Variants in BMP5 observed in about 807,000 individuals in gnomAD.
BMP5 encodes the protein bone morphogenetic protein 5.
BMP5 carries 23 observed loss-of-function variants against 46.6 expected under a neutral mutation model. That is an observed-to-expected ratio of 0.49 (90% confidence interval 0.35 to 0.70). The LOEUF (loss-of-function observed/expected upper bound fraction) is 0.70, where lower values mean the gene tolerates loss of function less well. Ranked by LOEUF, BMP5 falls within the 30% of genes least tolerant of loss-of-function variation. The pLI, the probability that BMP5 is intolerant of heterozygous loss-of-function variation, is 0.00. For synonymous variants in BMP5, 204 were observed against 191.9 expected, an observed-to-expected ratio of 1.06 and a Z score of -0.52; for missense variants, 545 against 565.6, an observed-to-expected ratio of 0.96 and a Z score of 0.37.
At chr6:55,802,811 T>G (rs991621771) in intron 2 of BMP5, among the ~76,000 whole-genome samples, 1 of 151,088 alleles carries the variant, frequency 6.6e-6, no homozygotes, top group African/African-American at 2.4e-5. Flanking sequence ...ATTCTTTTTT[T>G]CCCCTTTTCT....
intron 1 of BMP5, among the ~76,000 whole-genome samples, chr6:55,858,392 T>C (rs538761044): frequency 2.0e-5 from 3 of 152,006 alleles, no homozygotes; most frequent in African/African-American, 7.2e-5. Context: ...TGAAAAGAGA[T>C]CAAAGCAAAC....
At chr6:55,824,163 A>G (rs926598003) in intron 1 of BMP5, among the ~76,000 whole-genome samples, 9 of 151,936 alleles carry the variant, frequency 5.9e-5, no homozygotes, top group Admixed American at 6.6e-5. Flanking sequence ...TCTTATTCAC[A>G]TTGTGACAAA....
chr6:55,758,953 A>G (rs1774683343), intron 6 of BMP5, 52 bp downstream of exon 6: 1 of 1,211,450 alleles, frequency 8.3e-7, no homozygotes, highest in South Asian at 1.2e-5. Flanking sequence ...AAACAACTTT[A>G]TAATATGCTT....
At chr6:55,869,513 T>C (rs1393342048) in intron 1 of BMP5, among the ~76,000 whole-genome samples, 1 of 152,180 alleles carries the variant, frequency 6.6e-6, no homozygotes, top group Non-Finnish European at 1.5e-5. Flanking sequence ...AGTGACAGAA[T>C]ATTAAATAAG....
At chr6:55,817,872 TA>T (rs1776314754) in intron 2 of BMP5, among the ~76,000 whole-genome samples, 12 of 152,156 alleles carry the variant, frequency 7.9e-5, no homozygotes, top group Admixed American at 7.9e-4. Flanking sequence ...TGAAATAGCT[TA>T]AAACCAGAAA....
Position 55,819,980 on chromosome 6 carries a change from A to T in BMP5, c.491-133T>A. On this transcript the variant is annotated intron_variant, in intron 1 of 6. Transcript: ENST00000370830. ...ATAAAACTGGAAAAACCCTAAAACC[A>T]CAAACTGAAACGTGTTTCCAGTTAA... The T allele has an allele frequency of 9.2e-6, 7 of 764,746 alleles. No individual in the cohort carries two copies. In the South Asian group the frequency reaches 1.2e-4, roughly 13 times the overall value. 47.4% of individuals were successfully genotyped at this position (764,746 alleles called of 1,614,324 possible). A position where few individuals can be genotyped will look rare whatever the true frequency, so the allele number is the denominator to read the frequency against.
chr6:55,827,686 A>G (rs908549512), intron 1 of BMP5, among the ~76,000 whole-genome samples: 2 of 151,858 alleles, frequency 1.3e-5, no homozygotes, highest in African/African-American at 4.8e-5. Context: ...AGTGAATGTT[A>G]GAAGCAAATA....
chr6:55,815,621 G>A (rs928819883), intron 2 of BMP5, among the ~76,000 whole-genome samples: 7 of 152,056 alleles, frequency 4.6e-5, no homozygotes, highest in Admixed American at 4.6e-4. Flanking sequence ...AGCTATAGTA[G>A]CAGAAACATT....
At chr6:55,760,573 C>A in intron 4 of BMP5, 40 bp from the exon 5 acceptor site, 1 of 1,531,584 alleles carries the variant, frequency 6.5e-7, no homozygotes, top group African/African-American at 1.4e-5. Context: ...TGGTTGCTTA[C>A]AGATATACTA....
chr6:55,800,163 G>C (rs1297008974), intron 2 of BMP5, among the ~76,000 whole-genome samples: 1 of 152,096 alleles, frequency 6.6e-6, no homozygotes, highest in Non-Finnish European at 1.5e-5. Flanking sequence ...AGATGGATCT[G>C]AAGACGATAT....
chr6:55,808,083 A>C (rs966083097), intron 2 of BMP5, among the ~76,000 whole-genome samples: 2 of 152,172 alleles, frequency 1.3e-5, no homozygotes, highest in Non-Finnish European at 2.9e-5. Flanking sequence ...GCCAGAGGAA[A>C]GACTAAGTCT....
chr6:55,854,213 T>C lies in BMP5; in HGVS notation c.490+20163A>G, dbSNP rs576634702. On this transcript the variant is annotated intron_variant, in intron 1 of 6. Coordinates refer to ENST00000370830, the MANE Select transcript of BMP5 (RefSeq NM_021073.4). ...CTTTCAAAAATAAGATTTATATAAA[T>C]TATGATTTTATCAAGTAGGAGTGAA... Among the ~76,000 whole-genome samples, 7 of 152,232 alleles carry C rather than the reference T, an allele frequency of 4.6e-5. No individual in the cohort carries two copies. In the South Asian group the frequency reaches 1.5e-3, roughly 32 times the overall value.
intron 4 of BMP5, among the ~76,000 whole-genome samples, chr6:55,771,167 A>T (rs893650630): frequency 6.6e-6 from 1 of 151,840 alleles, no homozygotes; most frequent in Non-Finnish European, 1.5e-5. Flanking sequence ...AAAACATGGT[A>T]TGCCTGTACT....
intron 3 of BMP5, among the ~76,000 whole-genome samples, chr6:55,777,544 A>C (rs1049300077): frequency 2.0e-5 from 3 of 151,988 alleles, no homozygotes; most frequent in Non-Finnish European, 4.4e-5. Context: ...GGTAACAAAA[A>C]GAACATTAAA....
intron 1 of BMP5, among the ~76,000 whole-genome samples, chr6:55,820,423 A>ATTTT (rs5876467): frequency 6.7e-6 from 1 of 150,276 alleles, no homozygotes. Flanking sequence ...TCTTAAAAAC[A>ATTTT]TTTTTTTTTT....
chr6:55,850,305 G>C (rs528605352), intron 1 of BMP5, among the ~76,000 whole-genome samples: 1 of 152,050 alleles, frequency 6.6e-6, no homozygotes, highest in South Asian at 2.1e-4. Flanking sequence ...ATATTTACCT[G>C]ATAGAAAAGT....
chr6:55,867,215 C>G (rs774373547), intron 1 of BMP5, among the ~76,000 whole-genome samples: 10 of 152,092 alleles, frequency 6.6e-5, no homozygotes, highest in Non-Finnish European at 8.8e-5. Flanking sequence ...TGTATCCCCC[C>G]CGCTGAGTAT....
chr6:55,795,354 A>T (rs1582070801), intron 2 of BMP5, among the ~76,000 whole-genome samples: 1 of 152,082 alleles, frequency 6.6e-6, no homozygotes, highest in East Asian at 1.9e-4. Context: ...AAATAACACC[A>T]TTATGCATTT....
intron 2 of BMP5, among the ~76,000 whole-genome samples, chr6:55,815,800 G>A (rs1776247907): frequency 6.6e-6 from 1 of 151,952 alleles, no homozygotes; most frequent in Admixed American, 6.6e-5. Context: ...ATAAAAATAA[G>A]CATTAGTTTA....
Sources: allele counts gnomAD v4.1 joint callset (sites outside exome capture counted in the v4.1 genomes callset), GRCh38; gene constraint gnomAD v4.1.1; transcripts MANE v1.5; gene names NCBI Gene and HGNC (gene_info 2026-07-23, HGNC 2026-07-21).